CP: variants seen among roughly 807,000 people sequenced by gnomAD.
The protein encoded by CP is ceruloplasmin.
A neutral mutation model predicts 122.4 loss-of-function variants in CP; 64 were observed. The observed-to-expected ratio is 0.52, with a 90% confidence interval of 0.43 to 0.64. CP has a LOEUF of 0.64. Among genes scored for constraint, CP ranks in the 30% least tolerant of loss-of-function variants. The pLI is 0.00. For missense variants in CP, 1,167 were observed against 1,284.4 expected, an observed-to-expected ratio of 0.91 and a Z score of 1.40; for synonymous variants, 440 against 436.4, an observed-to-expected ratio of 1.01 and a Z score of -0.10.
chr3:149,164,865 T>C (rs1045759641), intron 5 of CP, among the ~76,000 whole-genome samples: 1 of 152,180 alleles, frequency 6.6e-6, no homozygotes, highest in Admixed American at 6.5e-5. Context: ...TGCATCTTCA[T>C]CATTTGATTG....
chr3:149,203,509 C>G (rs921472721), intron 6 of CP, among the ~76,000 whole-genome samples: 5 of 152,198 alleles, frequency 3.3e-5, no homozygotes. Flanking sequence ...AGTGATCCAC[C>G]CGCTTTGGCC....
chr3:149,202,331 T>A (rs1727387479), intron 6 of CP, 90 bp from the exon 7 acceptor site: 1 of 1,520,784 alleles, frequency 6.6e-7, no homozygotes, highest in South Asian at 1.1e-5. Flanking sequence ...AGAAAAATTC[T>A]GACCAGTGCT....
At chr3:149,188,584 C>T (rs935025851) in intron 9 of CP, among the ~76,000 whole-genome samples, 9 of 146,416 alleles carry the variant, frequency 6.1e-5, no homozygotes, top group East Asian at 3.9e-4. Context: ...TCATGAAAAC[C>T]GGAAGAATTC....
chr3:149,163,020 C>A, intron 5 of CP: 1 of 742,262 alleles, frequency 1.3e-6, no homozygotes, highest in Non-Finnish European at 2.3e-6. Flanking sequence ...TAAAAATACA[C>A]TTAAAATTTG....
At chr3:149,212,922 CTGCGAAG>C (rs1378232521) in intron 1 of CP, among the ~76,000 whole-genome samples, 2 of 152,200 alleles carry the variant, frequency 1.3e-5, no homozygotes, top group Non-Finnish European at 2.9e-5. Flanking sequence ...AGAGAACCAT[CTGCGAAG>C]GCATCATAGA....
intron 18 of CP, among the ~76,000 whole-genome samples, chr3:149,175,707 G>T (rs1453737637): frequency 7.3e-6 from 1 of 136,142 alleles, no homozygotes; most frequent in Admixed American, 7.3e-5. Context: ...ACATGGGGAG[G>T]GTTATTGCAG....
intron 1 of CP, among the ~76,000 whole-genome samples, chr3:149,214,030 C>T (rs1379995484): frequency 1.3e-5 from 2 of 152,170 alleles, no homozygotes; most frequent in African/African-American, 4.8e-5. Context: ...GCCCAGGTAT[C>T]TGCATTATTA....
Position 149,206,351 on chromosome 3 carries a change from C to T in CP, c.1037-12G>A. The T allele has an allele frequency of 6.2e-7, 1 of 1,613,658 alleles. No individual in the cohort carries two copies. The highest frequency in any genetic ancestry group is 1.3e-5 in the African/African-American group (1 of 75,016). On this transcript the variant is annotated splice_polypyrimidine_tract_variant and intron_variant, in intron 5 of 18. Transcript: ENST00000264613. ...GGCTTGCAAACCGGCTGAAATGAAACAGAAAGAGGCATTGATTAATGAAGA... is the reference window on the plus strand; with the variant it reads ...GGCTTGCAAACCGGCTGAAATGAAATAGAAAGAGGCATTGATTAATGAAGA...
chr3:149,170,877 A>G (rs1436516350), downstream of CP, among the ~76,000 whole-genome samples: 1 of 152,194 alleles, frequency 6.6e-6, no homozygotes, highest in Non-Finnish European at 1.5e-5. Context: ...AACATTGTTC[A>G]TAACTGTCAC....
intron 14 of CP, among the ~76,000 whole-genome samples, chr3:149,181,519 C>T (rs1195660709): frequency 6.6e-6 from 1 of 152,118 alleles, no homozygotes; most frequent in East Asian, 1.9e-4. Flanking sequence ...AAAATGCTCA[C>T]CTATGTATAT....
intron 12 of CP, among the ~76,000 whole-genome samples, chr3:149,184,123 C>A (rs1470863358): frequency 4.5e-5 from 6 of 134,266 alleles, no homozygotes; most frequent in African/African-American, 1.7e-4. Context: ...GCAAGCTCTG[C>A]CTCCCGGGTT....
At chr3:149,199,937 T>C (rs1727188709) in intron 7 of CP, 73 bp from the exon 8 acceptor site, 1 of 1,482,100 alleles carries the variant, frequency 6.7e-7, no homozygotes, top group Non-Finnish European at 9.4e-7. Flanking sequence ...GTTATCTTCT[T>C]TGACTGTGTT....
rs570820845 is a variant in CP at position 149,191,866 on chromosome 3, G to A, written c.1714-3664C>T. On this transcript the variant is annotated intron_variant, in intron 9 of 18. Transcript: ENST00000264613. Reference sequence around the variant, plus strand: ...CAGGAATTCAATGAGAAACATGCAGGACGAATATGAAAAAGACTATAAGAA... The same window carrying A: ...CAGGAATTCAATGAGAAACATGCAGAACGAATATGAAAAAGACTATAAGAA... Among the ~76,000 whole-genome samples, 13 of 152,012 alleles carry A rather than the reference G, an allele frequency of 8.6e-5. No individual in the cohort carries two copies. In the South Asian group the frequency reaches 2.7e-3, roughly 32 times the overall value.
At chr3:149,215,014 G>T (rs1728373058) in intron 1 of CP, among the ~76,000 whole-genome samples, 1 of 152,030 alleles carries the variant, frequency 6.6e-6, no homozygotes, top group South Asian at 2.1e-4. Flanking sequence ...TAAGCCCCAG[G>T]GTAAATTTTC....
chr3:149,194,186 A>G (rs1726732376), intron 9 of CP, among the ~76,000 whole-genome samples: 2 of 151,846 alleles, frequency 1.3e-5, no homozygotes, highest in South Asian at 4.1e-4. Context: ...AGGAATCTAA[A>G]AGTAGAAAAC....
rs142350562 is a variant in CP at position 149,210,244 on chromosome 3, C to T, written c.530G>A (p.Arg177Lys). Residue 177 changes from arginine (R) to lysine (K), a missense_variant, in exon 3 of 19, where the codon AGG becomes AAG. Coordinates refer to ENST00000264613, the MANE Select transcript of CP (RefSeq NM_000096.4). ...AGCATCAATGTGGGAATGGTAAATC[C>T]TAGTCACACAATTGCCATCTCCTTC... is the stretch of plus-strand genomic sequence containing the variant. ...PGEGDGNCVTRIYHSHIDAPK... is the reference protein window; with the variant it reads ...PGEGDGNCVTKIYHSHIDAPK... 9.9e-6 allele frequency: 16 copies of T among 1,613,910 alleles called. No homozygotes were observed. The African/African-American group carries it at 1.5e-4, about 15-fold the overall frequency.
At chr3:149,181,974 G>GCGGGGGGGGGCCGCCC in intron 14 of CP, 31 bp downstream of exon 14, 1 of 1,356,690 alleles carries the variant, frequency 7.4e-7, no homozygotes, top group African/African-American at 1.5e-5. Flanking sequence ...CTGTTAAAAT[G>GCGGGGGGGGGCCGCCC]CACCACCCCC....
At chr3:149,168,166 AG>A, downstream of CP, 1 of 589,898 alleles carries the variant, frequency 1.7e-6, no homozygotes, top group Non-Finnish European at 3.1e-6. Flanking sequence ...TTTATCTCCT[AG>A]TCACAGAACT....
Position 149,206,178 on chromosome 3 carries a change from C to T in CP, c.1198G>A (p.Ala400Thr). The change falls in exon 6 of 19, where the codon GCA becomes ACA. Residue 400 changes from alanine to threonine, a missense_variant. By Grantham distance (58) the Ala-to-Thr change is moderately conservative. This residue lies in a region of CP where 642 missense variants were observed against 627.3 expected (regional missense o/e 1.02). Coordinates refer to ENST00000264613, the MANE Select transcript of CP (RefSeq NM_000096.4). ...TTTTTTGTAAATTACCTTCCAGGTG[C>T]TGTTAAGTTTTCTTTAGTGAAGATG... ...IDIFTKENLT[A>T]PGSDSAVFFE... The T allele has an allele frequency of 1.2e-6, 2 of 1,613,694 alleles. No homozygotes were observed. Among genetic ancestry groups the T allele is most frequent in the Non-Finnish European group, 1.7e-6 (2 of 1,179,740 alleles).
Sources: gnomAD v4.1 joint callset for allele counts (sites outside exome capture counted in the v4.1 genomes callset) on GRCh38, gnomAD v4.1.1 for gene constraint, gnomAD v4.1.1 regional missense constraint, MANE v1.5 for transcripts, NCBI Gene and HGNC (gene_info 2026-07-23, HGNC 2026-07-21) for gene names.